Variants in RPS6KA5 observed in about 807,000 individuals in gnomAD.
RPS6KA5 encodes ribosomal protein S6 kinase alpha-5.
RPS6KA5 carries 27 observed loss-of-function variants against 85.5 expected under a neutral mutation model. The observed-to-expected ratio is 0.32, with a 90% confidence interval of 0.23 to 0.44. The LOEUF (loss-of-function observed/expected upper bound fraction) is 0.44. Ranked by LOEUF, RPS6KA5 falls within the 20% of genes least tolerant of loss-of-function variation. The pLI, the probability that RPS6KA5 is intolerant of heterozygous loss-of-function variation, is 1.00. For synonymous variants in RPS6KA5, 334 were observed against 348.2 expected, an observed-to-expected ratio of 0.96 and a Z score of 0.46; for missense variants, 811 against 980.9, an observed-to-expected ratio of 0.83 and a Z score of 2.31.
chr14:90,994,153 C>A (rs924127093), intron 2 of RPS6KA5, among the ~76,000 whole-genome samples: 4 of 152,000 alleles, frequency 2.6e-5, no homozygotes, highest in African/African-American at 9.7e-5. Flanking sequence ...GGGATTACAG[C>A]TGTGAGCCAC....
At chr14:90,968,225 G>A (rs1197359634) in intron 3 of RPS6KA5, among the ~76,000 whole-genome samples, 2 of 152,034 alleles carry the variant, frequency 1.3e-5, no homozygotes, top group African/African-American at 4.8e-5. Context: ...AGCTATGGCA[G>A]CTGAGTCACT....
chr14:91,012,586 CCT>C (rs1228367121), intron 1 of RPS6KA5, among the ~76,000 whole-genome samples: 6 of 152,218 alleles, frequency 3.9e-5, no homozygotes, highest in Non-Finnish European at 5.9e-5. Context: ...CAAAGCCTCC[CCT>C]GTCTGCCCAG....
intron 1 of RPS6KA5, among the ~76,000 whole-genome samples, chr14:91,057,788 T>A (rs1332252009): frequency 6.6e-6 from 1 of 152,234 alleles, no homozygotes; most frequent in Non-Finnish European, 1.5e-5. Context: ...GCCCACTATA[T>A]GCCAAGCAAC....
At chr14:90,954,612 C>T (rs973463332) in intron 3 of RPS6KA5, among the ~76,000 whole-genome samples, 1 of 152,170 alleles carries the variant, frequency 6.6e-6, no homozygotes, top group African/African-American at 2.4e-5. Flanking sequence ...GGAGGTTTCA[C>T]CATGTTAGCC....
At chr14:91,055,535 T>C (rs1212615265) in intron 1 of RPS6KA5, among the ~76,000 whole-genome samples, 1 of 152,176 alleles carries the variant, frequency 6.6e-6, no homozygotes, top group Non-Finnish European at 1.5e-5. Flanking sequence ...ATCTCAGTAC[T>C]TTGGGAGGCC....
intron 1 of RPS6KA5, among the ~76,000 whole-genome samples, chr14:91,018,466 T>C (rs1408050390): frequency 2.0e-5 from 3 of 152,188 alleles, no homozygotes; most frequent in African/African-American, 7.2e-5. Context: ...CTACCCTCAA[T>C]GTGGGTGGGC....
intron 13 of RPS6KA5, 37 bp from the exon 14 acceptor site, chr14:90,890,715 G>C (rs1158304115): frequency 6.5e-7 from 1 of 1,547,726 alleles, no homozygotes; most frequent in South Asian, 1.1e-5. Flanking sequence ...TTTCTCACTA[G>C]GCATGTCTTG....
At chr14:90,884,202 C>T (rs1403828627) in intron 14 of RPS6KA5, among the ~76,000 whole-genome samples, 1 of 152,214 alleles carries the variant, frequency 6.6e-6, no homozygotes, top group African/African-American at 2.4e-5. Context: ...CTGGCTCCCA[C>T]AAACTGTGTG....
At chr14:91,044,625 G>A (rs1030031343) in intron 1 of RPS6KA5, among the ~76,000 whole-genome samples, 1 of 152,080 alleles carries the variant, frequency 6.6e-6, no homozygotes, top group Admixed American at 6.5e-5. Context: ...TGTAATTCCA[G>A]CACTTTTGGA....
At chr14:90,932,182 G>A (rs1288120598) in intron 5 of RPS6KA5, among the ~76,000 whole-genome samples, 1 of 152,144 alleles carries the variant, frequency 6.6e-6, no homozygotes, top group East Asian at 1.9e-4. Context: ...GGAGTGCAGT[G>A]GCATGATCTT....
At chr14:91,053,499 A>G (rs1347473685) in intron 1 of RPS6KA5, among the ~76,000 whole-genome samples, 1 of 152,244 alleles carries the variant, frequency 6.6e-6, no homozygotes, top group Non-Finnish European at 1.5e-5. Context: ...AAACTAGTTC[A>G]CCAAGGTTGC....
At chr14:90,927,864 G>T (rs967493974) in intron 5 of RPS6KA5, among the ~76,000 whole-genome samples, 19 of 151,208 alleles carry the variant, frequency 1.3e-4, no homozygotes, top group Admixed American at 1.1e-3. Flanking sequence ...ACAAAATCCT[G>T]TATCCATCAA....
Position 91,060,414 on chromosome 14 carries a change from G to C in RPS6KA5, c.21C>G (p.Ser7Arg). The C allele has an allele frequency of 6.7e-7, 1 of 1,503,354 alleles. No homozygotes were observed. Among genetic ancestry groups the C allele is most frequent in the Non-Finnish European group, 8.9e-7 (1 of 1,119,108 alleles). 93.1% of individuals were successfully genotyped at this position (1,503,354 alleles called of 1,614,324 possible). ...CGCTGGTCCCCGCGGCGCCGCCGCT[G>C]CTGCCACCCTCCTCCTCCATCTTCT... MEEEGG[S>R]SGGAAGTSAD... Residue 7 changes from serine (S) to arginine (R), a missense_variant, in exon 1 of 17, where the codon AGC becomes AGG. Around this residue, in one of 3 missense-constraint regions of RPS6KA5, gnomAD observed 113 missense variants for 100.0 expected, o/e 1.13. Coordinates refer to ENST00000614987, the MANE Select transcript of RPS6KA5 (RefSeq NM_004755.4).
Position 91,030,708 on chromosome 14 carries a change from C to T in RPS6KA5, c.104-29549G>A, listed in dbSNP as rs1456594185. On this transcript the variant is annotated intron_variant, in intron 1 of 16. Transcript: ENST00000614987. Reference sequence around the variant, plus strand: ...TAACTTCATAAAAAGTATAATTATCCTTAAGGAGGTATATAGTTCAACCAT... The same window carrying T: ...TAACTTCATAAAAAGTATAATTATCTTTAAGGAGGTATATAGTTCAACCAT... Among the ~76,000 whole-genome samples, 3 of 148,286 alleles carry T rather than the reference C, an allele frequency of 2.0e-5. No homozygotes were observed. In the East Asian group the frequency reaches 6.0e-4, roughly 30 times the overall value.
chr14:90,973,745 A>T (rs2039428070), intron 3 of RPS6KA5, among the ~76,000 whole-genome samples: 1 of 152,056 alleles, frequency 6.6e-6, no homozygotes, highest in Non-Finnish European at 1.5e-5. Context: ...TTATGTTAAA[A>T]CCAGTATCAG....
intron 7 of RPS6KA5, among the ~76,000 whole-genome samples, chr14:90,915,447 C>T (rs760261165): frequency 6.6e-6 from 1 of 152,102 alleles, no homozygotes; most frequent in African/African-American, 2.4e-5. Flanking sequence ...CAGGTTAGAG[C>T]AGCCCACATT....
At chr14:90,883,534 G>T (rs1287036648) in intron 14 of RPS6KA5, among the ~76,000 whole-genome samples, 1 of 151,744 alleles carries the variant, frequency 6.6e-6, no homozygotes, top group African/African-American at 2.4e-5. Context: ...AATACATTTT[G>T]TCTTGATGTT....
chr14:90,913,433 T>C (rs1455835557), intron 7 of RPS6KA5, among the ~76,000 whole-genome samples: 4 of 152,212 alleles, frequency 2.6e-5, no homozygotes, highest in African/African-American at 4.8e-5. Flanking sequence ...GCATCTTCTA[T>C]CTAAAAGTGA....
At position 90,872,810 on chromosome 14, in the gene RPS6KA5, T is replaced by C. The variant is rs555977790; in HGVS notation, c.2161-488A>G. ...ACTTACACGCATGGAGAAGCACAGC[T>C]CTACAGCTTTGCCCTGGCTTCCTCC... On this transcript the variant is annotated intron_variant, in intron 16 of 16. Coordinates refer to ENST00000614987, the MANE Select transcript of RPS6KA5 (RefSeq NM_004755.4). 1.3e-4 allele frequency among the ~76,000 whole-genome samples: 20 copies of C among 152,330 alleles called. No homozygotes were observed. The South Asian group carries it at 3.3e-3, about 25-fold the overall frequency.
Sources: gnomAD v4.1 joint callset for allele counts (sites outside exome capture counted in the v4.1 genomes callset) on GRCh38, gnomAD v4.1.1 for gene constraint, gnomAD v4.1.1 regional missense constraint, MANE v1.5 for transcripts, NCBI Gene and HGNC (gene_info 2026-07-23, HGNC 2026-07-21) for gene names.